Variants in COL11A1 observed in about 807,000 individuals in gnomAD.
COL11A1 encodes collagen alpha-1(XI) chain.
COL11A1 carries 74 observed loss-of-function variants against 265.2 expected under a neutral mutation model. That is an observed-to-expected ratio of 0.28 (90% CI 0.23 to 0.34). The LOEUF (loss-of-function observed/expected upper bound fraction) is 0.34, where lower values mean the gene tolerates loss of function less well. Ranked by LOEUF, COL11A1 falls within the 10% of genes least tolerant of loss-of-function variation. The pLI is 1.00. For synonymous variants in COL11A1, 816 were observed against 727.6 expected (o/e 1.12, Z -1.96); for missense variants, 2,165 against 2,263.6 (o/e 0.96, Z 0.88).
intron 1 of COL11A1, among the ~76,000 whole-genome samples, chr1:103,085,753 CTA>C (rs1672801854): frequency 3.9e-5 from 6 of 152,126 alleles, no homozygotes; most frequent in Admixed American, 3.9e-4. Context: ...CTTGCAACGG[CTA>C]TGTTTTTAAG....
At chr1:102,954,618 G>A (rs540084469) in intron 41 of COL11A1, among the ~76,000 whole-genome samples, 15 of 152,290 alleles carry the variant, frequency 9.8e-5, no homozygotes, top group Non-Finnish European at 1.6e-4. Context: ...GCCGAAGCGG[G>A]TGGATCACCT....
rs189197347 is a variant in COL11A1, at chr1:103,004,307, C to T, written c.1944+137G>A. The T allele has an allele frequency of 1.1e-3, 745 of 650,922 alleles. 8 individuals are homozygous for T. The highest frequency in any genetic ancestry group is 9.2e-3 in the African/African-American group (503 of 54,402). 40.3% of individuals were successfully genotyped at this position (650,922 alleles called of 1,614,324 possible). A position where few individuals can be genotyped will look rare whatever the true frequency, so the allele number is the denominator to read the frequency against. On this transcript the variant is annotated intron_variant, in intron 20 of 66. Coordinates refer to ENST00000370096, the MANE Select transcript of COL11A1 (RefSeq NM_001854.4). ...TCTATATATCCTTTTTAATTTTTTT[C>T]GCATGGCAATTATCTGGTTAGCTTA...
chr1:102,965,431 G>T (rs1190773404), intron 38 of COL11A1, 56 bp downstream of exon 38: 2 of 1,471,866 alleles, frequency 1.4e-6, no homozygotes, highest in Non-Finnish European at 1.9e-6. Context: ...ACTTAGGAAG[G>T]TTAAAATGTA....
At chr1:102,892,707 G>A (rs564672955) in intron 57 of COL11A1, among the ~76,000 whole-genome samples, 116 of 152,216 alleles carry the variant, frequency 7.6e-4, no homozygotes, top group Non-Finnish European at 1.4e-3. Context: ...TAGCCCTTGT[G>A]TAACAATGGT....
Position 103,074,764 on chromosome 1 carries a change from T to G in COL11A1, c.505A>C (p.Ile169Leu). The change falls in exon 4 of 67, where the codon ATC becomes CTC. Residue 169 changes from isoleucine (I) to leucine (L), a missense_variant. Transcript: ENST00000370096. ...IADGKWHRVA[I>L]SVEKKTVTMI... ...GTCACAGTTTTCTTCTCCACGCTGA[T>G]TGCTACCCGATGCCACCTAAAAAAG... is the stretch of plus-strand genomic sequence containing the variant. 2 of 1,613,244 alleles carry G rather than the reference T, an allele frequency of 1.2e-6. No individual in the cohort carries two copies. Among genetic ancestry groups the G allele is most frequent in the South Asian group, 2.2e-5 (2 of 91,074 alleles).
intron 4 of COL11A1, among the ~76,000 whole-genome samples, chr1:103,059,532 A>G (rs1670499202): frequency 6.6e-6 from 1 of 152,214 alleles, no homozygotes; most frequent in East Asian, 1.9e-4. Flanking sequence ...ATAAGCATCA[A>G]ACCAGAGTCA....
Position 103,005,881 on chromosome 1 carries a change from C to T in COL11A1, c.1802G>A (p.Gly601Glu). 1 of 1,603,536 alleles carries T rather than the reference C, an allele frequency of 6.2e-7. No homozygotes were observed. Among genetic ancestry groups the T allele is most frequent in the Non-Finnish European group, 8.5e-7 (1 of 1,177,346 alleles). ...PGEPGAKGDR[G>E]FDGLPGLPGD... ...TGGCAGACCCGGAAGTCCATCAAAC[C>T]CTCGATCTCCCTGTAAAACCATCAT... is the stretch of plus-strand genomic sequence containing the variant. The change falls in exon 18 of 67, where the codon GGG becomes GAG. Residue 601 changes from glycine to glutamate, a missense_variant. Physicochemically the swap from Gly to Glu is moderately conservative, Grantham distance 98. Transcript: ENST00000370096.
At chr1:103,017,195 A>C (rs764233947) in intron 11 of COL11A1, among the ~76,000 whole-genome samples, 2 of 152,112 alleles carry the variant, frequency 1.3e-5, no homozygotes, top group Non-Finnish European at 2.9e-5. Context: ...TACTCAGTCC[A>C]GAATTTCTGA....
At position 103,070,557 on chromosome 1, in the gene COL11A1, G is replaced by A. The variant is rs1671503803; in HGVS notation, c.651+4061C>T. Among the ~76,000 whole-genome samples the A allele has an allele frequency of 2.6e-5, 4 of 151,818 alleles. No homozygotes were observed. In the South Asian group the frequency reaches 8.3e-4, roughly 31 times the overall value. On this transcript the variant is annotated intron_variant, in intron 4 of 66. Coordinates refer to ENST00000370096, the MANE Select transcript of COL11A1 (RefSeq NM_001854.4). ...TTGTCTGGGGTTAGGATGGAAGAAG[G>A]AATGAATTAAAAAAGATGATAAGGA...
chr1:102,980,988 T>C (rs1009160122), intron 31 of COL11A1, among the ~76,000 whole-genome samples: 5 of 152,136 alleles, frequency 3.3e-5, no homozygotes, highest in African/African-American at 1.2e-4. Flanking sequence ...TTGAAAGCAG[T>C]GAATATTACA....
At chr1:102,948,220 A>G (rs879487834) in intron 41 of COL11A1, among the ~76,000 whole-genome samples, 1 of 152,066 alleles carries the variant, frequency 6.6e-6, no homozygotes, top group Non-Finnish European at 1.5e-5. Flanking sequence ...ACAATTCACA[A>G]ATCAGTTTAA....
chr1:102,902,941 C>T (rs560962999), intron 54 of COL11A1, among the ~76,000 whole-genome samples: 12 of 151,678 alleles, frequency 7.9e-5, no homozygotes, highest in Non-Finnish European at 1.2e-4. Context: ...CTTCATCTGT[C>T]ATTATAACCA....
At chr1:102,929,407 T>C (rs1557834045) in intron 46 of COL11A1, among the ~76,000 whole-genome samples, 1 of 152,026 alleles carries the variant, frequency 6.6e-6, no homozygotes, top group African/African-American at 2.4e-5. Context: ...GTTGTAGATA[T>C]GCGGCATTAT....
At chr1:103,009,425 T>G (rs532007149) in intron 14 of COL11A1, among the ~76,000 whole-genome samples, 1 of 151,680 alleles carries the variant, frequency 6.6e-6, no homozygotes, top group Non-Finnish European at 1.5e-5. Flanking sequence ...AAAAAATAAA[T>G]AAATAAAAAT....
Position 102,920,376 on chromosome 1 carries a change from A to C in COL11A1, c.3709-12T>G. 9.3e-6 allele frequency: 15 copies of C among 1,610,624 alleles called. No individual in the cohort carries two copies. The highest frequency in any genetic ancestry group is 1.3e-5 in the Non-Finnish European group (15 of 1,176,994). On this transcript the variant is annotated splice_polypyrimidine_tract_variant and intron_variant, in intron 48 of 66. Coordinates refer to ENST00000370096, the MANE Select transcript of COL11A1 (RefSeq NM_001854.4). ...GGTCCTTGTGGTCCCTGCAGTGTAG[A>C]AAAAGGAATGTAATTATCCATATTC...
rs754484644 is a variant in COL11A1 at position 102,915,694 on chromosome 1, G to A, written c.3763-10C>T. On this transcript the variant is annotated splice_polypyrimidine_tract_variant and intron_variant, in intron 49 of 66. Coordinates refer to ENST00000370096, the MANE Select transcript of COL11A1 (RefSeq NM_001854.4). The stretch of plus-strand genomic sequence containing the variant: ...CTTCTCCAGGTTCACCCTATATAGA[G>A]AAGATCAAATTAGTATTAGAATACA... 2.5e-6 allele frequency: 4 copies of A among 1,603,036 alleles called. No homozygotes were observed. In the Admixed American group the frequency reaches 5.0e-5, roughly 20 times the overall value.
rs530071972 is a variant in COL11A1, at chr1:103,065,744, C to CTT, written c.651+8872_651+8873dup. 4.3e-4 allele frequency among the ~76,000 whole-genome samples: 63 copies of CTT among 144,900 alleles called. 1 individual carries two copies. Among genetic ancestry groups the CTT allele is most frequent in the African/African-American group, 1.4e-3 (59 of 40,700 alleles). On this transcript the variant is annotated intron_variant, in intron 4 of 66. Transcript: ENST00000370096. ...AGAATATTTAGCAGCAAAGTAGAAA[C>CTT]TTTAAAGAGTGAAGGCTTCCTAAAT...
At chr1:102,950,598 T>C (rs546984202) in intron 41 of COL11A1, among the ~76,000 whole-genome samples, 1 of 152,330 alleles carries the variant, frequency 6.6e-6, no homozygotes, top group African/African-American at 2.4e-5. Flanking sequence ...TATCCTAAAA[T>C]ATTACATCTC....
chr1:102,993,002 A>G (rs1215348177), intron 28 of COL11A1, among the ~76,000 whole-genome samples: 6 of 152,010 alleles, frequency 3.9e-5, no homozygotes, highest in Non-Finnish European at 8.8e-5. Context: ...TTGTCCTCAT[A>G]TATATCTAGT....
Sources: allele counts gnomAD v4.1 joint callset (sites outside exome capture counted in the v4.1 genomes callset), GRCh38; gene constraint gnomAD v4.1.1; transcripts MANE v1.5; gene names NCBI Gene and HGNC (gene_info 2026-07-23, HGNC 2026-07-21).